The following ZNF362 variants were observed in gnomAD, a reference collection of about 807,000 sequenced individuals.
ZNF362 encodes the protein zinc finger protein 362, also known as rotund homolog.
ZNF362 carries 11 observed loss-of-function variants against 42.9 expected under a neutral mutation model. The ratio of observed to expected loss-of-function variants is 0.26; its 90% CI spans 0.16 to 0.42. ZNF362 has a LOEUF of 0.42. Among genes scored for constraint, ZNF362 ranks in the 20% least tolerant of loss-of-function variants. ZNF362 has a pLI of 1.00. For synonymous variants in ZNF362, 255 were observed against 257.3 expected (o/e 0.99, Z 0.09); for missense variants, 362 against 576.2 (o/e 0.63, Z 3.81).
the ZNF362 span, among the ~76,000 whole-genome samples, chr1:33,189,077 T>C: frequency 6.6e-6 from 1 of 152,222 alleles, no homozygotes; most frequent in Admixed American, 6.5e-5. Context: ...GATGACTCAA[T>C]GCACCGCCTA....
chr1:33,179,060 T>C, the ZNF362 span, among the ~76,000 whole-genome samples: 4 of 152,344 alleles, frequency 2.6e-5, no homozygotes, highest in South Asian at 4.1e-4. Context: ...CTTGGGCAAG[T>C]CACATAACTT....
At chr1:33,137,475 G>A in the ZNF362 span, among the ~76,000 whole-genome samples, 1 of 152,212 alleles carries the variant, frequency 6.6e-6, no homozygotes, top group Non-Finnish European at 1.5e-5. Flanking sequence ...GGGACTTTGA[G>A]AGAAAACAGA....
intron 1 of ZNF362, among the ~76,000 whole-genome samples, chr1:33,263,398 A>T (rs1221322939): frequency 6.6e-6 from 1 of 152,026 alleles, no homozygotes; most frequent in Non-Finnish European, 1.5e-5. Context: ...TATATAAAAG[A>T]TCACACAAAT....
chr1:33,222,603 C>T, the ZNF362 span, among the ~76,000 whole-genome samples: 5 of 152,218 alleles, frequency 3.3e-5, no homozygotes, highest in Non-Finnish European at 5.9e-5. Flanking sequence ...TAATAGCTAG[C>T]TGTTATCTAC....
the ZNF362 span, among the ~76,000 whole-genome samples, chr1:33,212,692 AAACAAC>A: frequency 6.6e-6 from 1 of 152,214 alleles, no homozygotes; most frequent in African/African-American, 2.4e-5. Context: ...ACACACTTTT[AAACAAC>A]CAGATCTTGT....
At chr1:33,289,058 A>C (rs913278843) in intron 6 of ZNF362, among the ~76,000 whole-genome samples, 6 of 152,156 alleles carry the variant, frequency 3.9e-5, no homozygotes, top group Admixed American at 2.6e-4. Context: ...GGCCCCTGCC[A>C]CTGTGACCTA....
the ZNF362 span, chr1:33,146,852 AGGGAGAC>A: frequency 2.6e-6 from 1 of 382,036 alleles, no homozygotes; most frequent in Admixed American, 4.1e-5. Flanking sequence ...GCTGGGCTGG[AGGGAGAC>A]ACTGGAAGGT....
chr1:33,292,874 T>G (rs1354839292), intron 6 of ZNF362, among the ~76,000 whole-genome samples: 1 of 152,210 alleles, frequency 6.6e-6, no homozygotes, highest in Non-Finnish European at 1.5e-5. Flanking sequence ...CTTAAGGTCC[T>G]TCCATTGTAG....
At chr1:33,216,323 C>T in the ZNF362 span, among the ~76,000 whole-genome samples, 9 of 141,048 alleles carry the variant, frequency 6.4e-5, no homozygotes, top group South Asian at 2.5e-4. Flanking sequence ...AAAAAAGGGC[C>T]GGGCGCGATG....
intron 2 of ZNF362, 38 bp downstream of exon 2, chr1:33,270,650 G>A: frequency 6.2e-7 from 1 of 1,606,588 alleles, no homozygotes; most frequent in Non-Finnish European, 8.5e-7. Context: ...CTCTGTCAAT[G>A]AGGGTTTGTT....
the ZNF362 span, among the ~76,000 whole-genome samples, chr1:33,203,313 T>C: frequency 6.6e-6 from 1 of 152,338 alleles, no homozygotes; most frequent in Admixed American, 6.5e-5. Context: ...TCTCCTTTTT[T>C]AAGGCTGAAT....
chr1:33,285,230 A>G (rs1296797294), intron 6 of ZNF362, among the ~76,000 whole-genome samples: 1 of 152,146 alleles, frequency 6.6e-6, no homozygotes, highest in African/African-American at 2.4e-5. Flanking sequence ...CCTGGCCAAC[A>G]TGGTCAAACT....
chr1:33,172,448 C>T, the ZNF362 span, among the ~76,000 whole-genome samples: 1 of 151,898 alleles, frequency 6.6e-6, no homozygotes, highest in Non-Finnish European at 1.5e-5. Flanking sequence ...GAGTCACAAG[C>T]TGGAAAGGCC....
the ZNF362 span, among the ~76,000 whole-genome samples, chr1:33,138,567 G>A: frequency 2.0e-5 from 3 of 149,642 alleles, no homozygotes; most frequent in African/African-American, 5.0e-5. Flanking sequence ...CACTGTGATC[G>A]TGCCACTGCA....
chr1:33,185,207 G>A, the ZNF362 span, among the ~76,000 whole-genome samples: 62 of 151,744 alleles, frequency 4.1e-4, no homozygotes, highest in Admixed American at 6.6e-4. Context: ...GTTTTCTCTG[G>A]CTGAAAGTCA....
chr1:33,280,197 T>TACCAGC lies in ZNF362; in HGVS notation c.427_432dup (p.Ser143_Thr144dup). 1 of 1,613,116 alleles carries TACCAGC rather than the reference T, an allele frequency of 6.2e-7. No individual in the cohort carries two copies. Among genetic ancestry groups the TACCAGC allele is most frequent in the Non-Finnish European group, 8.5e-7 (1 of 1,179,514 alleles). On this transcript the variant is annotated inframe_insertion, in exon 5 of 9. Transcript: ENST00000539719. The surrounding 1 kb of genome is among the most constrained non-coding windows in gnomAD (Gnocchi z 5.6). ...GCGCGGGCGCGGGCACGGGCACGGG[T>TACCAGC]ACCAGCACCCCGTCCACACCCACCA...
intron 2 of ZNF362, 146 bp downstream of exon 2, chr1:33,270,758 C>T: frequency 7.0e-7 from 1 of 1,422,912 alleles, no homozygotes; most frequent in Non-Finnish European, 9.3e-7. Context: ...GCTTACCCTC[C>T]TGTAGCGGCC....
chr1:33,288,106 A>G (rs1402050480), intron 6 of ZNF362, among the ~76,000 whole-genome samples: 1 of 152,236 alleles, frequency 6.6e-6, no homozygotes, highest in Non-Finnish European at 1.5e-5. Context: ...CTGCAAAAAT[A>G]TTTTATGAAC....
intron 1 of ZNF362, among the ~76,000 whole-genome samples, chr1:33,263,391 A>C (rs1283368837): frequency 6.6e-6 from 1 of 152,146 alleles, no homozygotes; most frequent in Non-Finnish European, 1.5e-5. Flanking sequence ...CAGGCACTAT[A>C]TAAAAGATCA....
Sources: allele counts gnomAD v4.1 joint callset (sites outside exome capture counted in the v4.1 genomes callset), GRCh38; gene constraint gnomAD v4.1.1; non-coding constraint Gnocchi (gnomAD v3.1); transcripts MANE v1.5; gene names NCBI Gene and HGNC (gene_info 2026-07-23, HGNC 2026-07-21).